The following NBEA variants were observed in gnomAD, a reference collection of about 807,000 sequenced individuals.
The protein encoded by NBEA is lysosomal-trafficking regulator 2.
NBEA carries 44 observed loss-of-function variants against 343.4 expected under a neutral mutation model. The observed-to-expected ratio is 0.13, with a 90% CI of 0.10 to 0.16. The LOEUF is 0.16. NBEA is among the 10% of genes least tolerant of loss of function. The pLI is 1.00. For synonymous variants in NBEA, 1,175 were observed against 1,238.7 expected (o/e 0.95, Z 1.08); for missense variants, 2,555 against 3,631.3 (o/e 0.70, Z 7.62).
intron 41 of NBEA, among the ~76,000 whole-genome samples, chr13:35,546,575 C>T (rs1475318148): frequency 1.4e-5 from 2 of 146,772 alleles, no homozygotes; most frequent in Non-Finnish European, 3.0e-5. Flanking sequence ...TTTTTTGAGA[C>T]GGAATCTTGC....
At chr13:35,439,558 G>A (rs750718528) in intron 39 of NBEA, among the ~76,000 whole-genome samples, 1 of 152,042 alleles carries the variant, frequency 6.6e-6, no homozygotes, top group African/African-American at 2.4e-5. Context: ...GTTTCAGAAG[G>A]TATTTTTATT....
At chr13:35,349,615 C>CTA (rs10685908) in intron 37 of NBEA, among the ~76,000 whole-genome samples, 34,045 of 151,950 alleles carry the variant, frequency 0.22, 4,392 homozygotes, top group African/African-American at 0.35. Flanking sequence ...CTTTCAATTT[C>CTA]TGTTTTATAC....
chr13:35,573,614 C>A (rs533235278), intron 45 of NBEA, among the ~76,000 whole-genome samples: 1 of 152,256 alleles, frequency 6.6e-6, no homozygotes, highest in African/African-American at 2.4e-5. Flanking sequence ...GTCTCTTTAT[C>A]CTCTTTTCTT....
intron 16 of NBEA, among the ~76,000 whole-genome samples, chr13:35,120,189 C>A (rs1799011011): frequency 1.3e-5 from 2 of 152,104 alleles, no homozygotes; most frequent in Admixed American, 1.3e-4. Context: ...TATTTTGACA[C>A]ATCGGAAATA....
chr13:35,631,900 T>G (rs1160075604), intron 49 of NBEA, among the ~76,000 whole-genome samples: 1 of 152,216 alleles, frequency 6.6e-6, no homozygotes, highest in South Asian at 2.1e-4. Flanking sequence ...GAGAAAATTA[T>G]GACAGCTTAA....
intron 38 of NBEA, among the ~76,000 whole-genome samples, chr13:35,424,356 T>A (rs927043397): frequency 1.3e-5 from 2 of 152,214 alleles, no homozygotes; most frequent in Admixed American, 6.5e-5. Flanking sequence ...GTTTTTAGCA[T>A]GAAGGTTATT....
At chr13:35,191,564 ATC>A (rs1290316977) in intron 30 of NBEA, among the ~76,000 whole-genome samples, 1 of 129,250 alleles carries the variant, frequency 7.7e-6, no homozygotes, top group Non-Finnish European at 1.8e-5. Flanking sequence ...AGGATTTAAA[ATC>A]TTTTTGTGTA....
At chr13:35,100,956 A>C (rs2065616792) in intron 11 of NBEA, among the ~76,000 whole-genome samples, 1 of 151,828 alleles carries the variant, frequency 6.6e-6, no homozygotes, top group Non-Finnish European at 1.5e-5. Context: ...ATCATACAAT[A>C]TTTGTCTTTT....
At chr13:35,642,536 A>G (rs2084013623) in intron 49 of NBEA, among the ~76,000 whole-genome samples, 1 of 152,154 alleles carries the variant, frequency 6.6e-6, no homozygotes. Flanking sequence ...ATCTTGTAAT[A>G]CAAATTAAAG....
chr13:35,496,627 C>CCA (rs2076687404), intron 41 of NBEA, among the ~76,000 whole-genome samples: 1 of 24,262 alleles, frequency 4.1e-5, no homozygotes, highest in Non-Finnish European at 8.5e-5. Context: ...GAGTGAGATT[C>CCA]TGTCAAAAAA....
At chr13:35,666,782 A>G (rs2085375694) in intron 56 of NBEA, among the ~76,000 whole-genome samples, 1 of 152,166 alleles carries the variant, frequency 6.6e-6, no homozygotes, top group African/African-American at 2.4e-5. Context: ...TCAGAGCCAA[A>G]TGTCACTCCT....
intron 24 of NBEA, chr13:35,165,030 C>T (rs1199637461): frequency 1.9e-6 from 1 of 527,702 alleles, no homozygotes; most frequent in African/African-American, 1.9e-5. Flanking sequence ...CAGACCAAGG[C>T]AGACTCCATA....
At chr13:35,617,408 G>A (rs2153058143) in intron 48 of NBEA, among the ~76,000 whole-genome samples, 1 of 152,332 alleles carries the variant, frequency 6.6e-6, no homozygotes, top group Middle Eastern at 3.4e-3. Flanking sequence ...TGCCTCACTT[G>A]AAAAGTGCTT....
At chr13:35,118,542 G>A in intron 16 of NBEA, 68 bp downstream of exon 16, 2 of 1,128,174 alleles carry the variant, frequency 1.8e-6, no homozygotes, top group Non-Finnish European at 2.6e-6. Flanking sequence ...TAGAATAACT[G>A]CTATTCTATG....
intron 38 of NBEA, among the ~76,000 whole-genome samples, chr13:35,385,250 G>A (rs895534637): frequency 2.9e-4 from 44 of 152,034 alleles, no homozygotes; most frequent in African/African-American, 9.9e-4. Context: ...ATGAGGTAAA[G>A]GTTTTAAAAT....
intron 17 of NBEA, among the ~76,000 whole-genome samples, chr13:35,136,777 C>G (rs904723116): frequency 6.6e-6 from 1 of 152,148 alleles, no homozygotes; most frequent in African/African-American, 2.4e-5. Context: ...GACATCAGGT[C>G]AGAATTCAGA....
intron 28 of NBEA, among the ~76,000 whole-genome samples, chr13:35,179,948 C>G (rs1267461932): frequency 6.6e-6 from 1 of 151,748 alleles, no homozygotes; most frequent in Non-Finnish European, 1.5e-5. Flanking sequence ...CAAAGTATCT[C>G]TAGAAAAGCT....
At chr13:35,576,983 T>A (rs937435685) in intron 45 of NBEA, among the ~76,000 whole-genome samples, 1 of 152,210 alleles carries the variant, frequency 6.6e-6, no homozygotes, top group African/African-American at 2.4e-5. Flanking sequence ...GATTAGCCCA[T>A]ATAACTGAGA....
In NBEA at chr13:35,155,831, T is replaced by A. The variant is rs760151585; in HGVS notation, c.2503T>A (p.Ser835Thr). The A allele has an allele frequency of 1.9e-6, 3 of 1,612,410 alleles. No individual in the cohort carries two copies. Among genetic ancestry groups the A allele is most frequent in the Non-Finnish European group, 2.5e-6 (3 of 1,178,496 alleles). The change falls in exon 19 of 59, where the codon TCT becomes ACT. Residue 835 changes from serine (S) to threonine (T), a missense_variant. Around this residue, in one of 21 missense-constraint regions of NBEA, gnomAD observed 360 missense variants for 519.1 expected, o/e 0.69. Coordinates refer to ENST00000379939, the MANE Select transcript of NBEA (RefSeq NM_001385012.1). ...VVHKPHPEPD[S>T]TVKIQNPMIL... ...ACACAAACCACATCCAGAGCCAGAT[T>A]CTACAGTGAAAATTCAGAATCCAAG...
Sources: allele counts gnomAD v4.1 joint callset (sites outside exome capture counted in the v4.1 genomes callset), GRCh38; gene constraint gnomAD v4.1.1; regional missense constraint gnomAD v4.1.1; transcripts MANE v1.5; gene names NCBI Gene and HGNC (gene_info 2026-07-23, HGNC 2026-07-21).